The following ARHGAP15 variants were observed in gnomAD, a reference collection of about 807,000 sequenced individuals.
ARHGAP15 encodes the protein Rho GTPase activating protein 15.
ARHGAP15 carries 51 observed loss-of-function variants against 63.7 expected under a neutral mutation model. The observed-to-expected ratio is 0.80, with a 90% CI of 0.64 to 1.01. ARHGAP15 has a LOEUF of 1.01. Among genes scored for constraint, ARHGAP15 ranks in the 50% least tolerant of loss-of-function variants. ARHGAP15 has a pLI of 0.00. For synonymous variants in ARHGAP15, 191 were observed against 193.8 expected (o/e 0.99, Z 0.12); for missense variants, 560 against 564.6 (o/e 0.99, Z 0.08).
intron 12 of ARHGAP15, among the ~76,000 whole-genome samples, chr2:143,665,817 A>G (rs1682138468): frequency 6.6e-6 from 1 of 151,254 alleles, no homozygotes. Flanking sequence ...TCCCATTCAC[A>G]ATTGCTTCAA....
chr2:143,165,221 C>A (rs1056324323), intron 2 of ARHGAP15, among the ~76,000 whole-genome samples: 3 of 151,968 alleles, frequency 2.0e-5, no homozygotes, highest in Non-Finnish European at 4.4e-5. Context: ...CATAAATGAC[C>A]AAAGTACTGA....
chr2:143,612,233 A>G (rs1436542688), intron 11 of ARHGAP15, among the ~76,000 whole-genome samples: 1 of 152,182 alleles, frequency 6.6e-6, no homozygotes, highest in South Asian at 2.1e-4. Context: ...GCCAATATCA[A>G]ATTTTGATCC....
intron 8 of ARHGAP15, among the ~76,000 whole-genome samples, chr2:143,444,280 C>T (rs1690031844): frequency 6.6e-6 from 1 of 152,118 alleles, no homozygotes; most frequent in Non-Finnish European, 1.5e-5. Flanking sequence ...TAATACACTA[C>T]TGTGATTGTA....
intron 6 of ARHGAP15, among the ~76,000 whole-genome samples, chr2:143,265,144 T>G (rs913257468): frequency 6.6e-6 from 1 of 151,988 alleles, no homozygotes; most frequent in Non-Finnish European, 1.5e-5. Context: ...AAAATGCTCA[T>G]GGAACAGGGT....
intron 11 of ARHGAP15, among the ~76,000 whole-genome samples, chr2:143,561,413 G>A (rs1457755588): frequency 6.6e-6 from 1 of 152,142 alleles, no homozygotes; most frequent in African/African-American, 2.4e-5. Context: ...TTTCCAGATG[G>A]GTGTCTGTTA....
At chr2:143,735,236 G>A (rs1250714432) in intron 13 of ARHGAP15, among the ~76,000 whole-genome samples, 1 of 151,978 alleles carries the variant, frequency 6.6e-6, no homozygotes, top group Non-Finnish European at 1.5e-5. Flanking sequence ...GGCTTCCATA[G>A]GTATCTAAGA....
intron 8 of ARHGAP15, among the ~76,000 whole-genome samples, chr2:143,482,390 G>A (rs1170515218): frequency 1.3e-5 from 2 of 152,154 alleles, no homozygotes; most frequent in African/African-American, 4.8e-5. Flanking sequence ...ATGGATTATT[G>A]TACCACACTG....
intron 11 of ARHGAP15, among the ~76,000 whole-genome samples, chr2:143,580,191 C>G: frequency 6.6e-6 from 1 of 151,632 alleles, no homozygotes; most frequent in East Asian, 1.9e-4. Context: ...GGGCTAAAGA[C>G]AGGTGAAAGA....
chr2:143,500,288 A>G (rs1692998174), intron 9 of ARHGAP15, among the ~76,000 whole-genome samples: 1 of 151,112 alleles, frequency 6.6e-6, no homozygotes, highest in Non-Finnish European at 1.5e-5. Context: ...AGAACTTTAT[A>G]TAGCTAACTG....
chr2:143,475,041 G>A (rs1034797579), intron 8 of ARHGAP15, among the ~76,000 whole-genome samples: 2 of 152,114 alleles, frequency 1.3e-5, no homozygotes, highest in Middle Eastern at 3.2e-3. Flanking sequence ...AGCACCCAGA[G>A]GGATTTCAAA....
chr2:143,183,152 T>C (rs1691305235), intron 2 of ARHGAP15, among the ~76,000 whole-genome samples: 1 of 152,206 alleles, frequency 6.6e-6, no homozygotes, highest in African/African-American at 2.4e-5. Context: ...ATGTATTCTC[T>C]CAAGATAGTA....
chr2:143,154,559 T>G (rs1690005548), intron 1 of ARHGAP15, among the ~76,000 whole-genome samples: 1 of 151,912 alleles, frequency 6.6e-6, no homozygotes, highest in Non-Finnish European at 1.5e-5. Flanking sequence ...GAGACAAGAA[T>G]CAGACAAGAA....
At chr2:143,489,022 G>T (rs1291567999) in intron 9 of ARHGAP15, among the ~76,000 whole-genome samples, 1 of 152,120 alleles carries the variant, frequency 6.6e-6, no homozygotes, top group Non-Finnish European at 1.5e-5. Context: ...TCCTATAGAT[G>T]ATCATTTTCT....
chr2:143,606,506 C>T (rs184493831), intron 11 of ARHGAP15, among the ~76,000 whole-genome samples: 1 of 152,090 alleles, frequency 6.6e-6, no homozygotes, highest in African/African-American at 2.4e-5. Flanking sequence ...TTTTTAACAC[C>T]CCAGTCTGAT....
intron 8 of ARHGAP15, among the ~76,000 whole-genome samples, chr2:143,441,527 A>G (rs900631311): frequency 2.0e-5 from 3 of 152,246 alleles, no homozygotes; most frequent in Non-Finnish European, 4.4e-5. Context: ...TTTTTTATGA[A>G]GAAATACAAC....
chr2:143,675,194 T>A (rs1361263891), intron 12 of ARHGAP15, among the ~76,000 whole-genome samples: 1 of 152,204 alleles, frequency 6.6e-6, no homozygotes, highest in Non-Finnish European at 1.5e-5. Flanking sequence ...AGTTTTGTCA[T>A]GAGATTTGAG....
At chr2:143,407,608 C>T (rs1688255732) in intron 6 of ARHGAP15, among the ~76,000 whole-genome samples, 1 of 151,690 alleles carries the variant, frequency 6.6e-6, no homozygotes, top group Non-Finnish European at 1.5e-5. Context: ...GGAAATGTGA[C>T]AGGAGAGTAG....
At chr2:143,642,333 C>A (rs1680644818) in intron 12 of ARHGAP15, among the ~76,000 whole-genome samples, 1 of 151,966 alleles carries the variant, frequency 6.6e-6, no homozygotes, top group Non-Finnish European at 1.5e-5. Context: ...TTGAAGGCTT[C>A]TCAAACCTGG....
intron 6 of ARHGAP15, among the ~76,000 whole-genome samples, chr2:143,312,923 T>A (rs1184020566): frequency 6.6e-6 from 1 of 152,174 alleles, no homozygotes; most frequent in Non-Finnish European, 1.5e-5. Context: ...TAAAGAATGG[T>A]ATATAAAAAC....
Sources: gnomAD v4.1 joint callset for allele counts (sites outside exome capture counted in the v4.1 genomes callset) on GRCh38, gnomAD v4.1.1 for gene constraint, MANE v1.5 for transcripts, NCBI Gene and HGNC (gene_info 2026-07-23, HGNC 2026-07-21) for gene names.